Variants in INTS1 observed in about 807,000 individuals in gnomAD.
The protein encoded by INTS1 is integrator complex subunit 1.
In INTS1, 137 loss-of-function variants were observed where a neutral mutation model predicts 241.6. The ratio of observed to expected loss-of-function variants is 0.57; its 90% CI spans 0.49 to 0.65. INTS1 has a LOEUF of 0.65. Ranked by LOEUF, INTS1 falls within the 30% of genes least tolerant of loss-of-function variation. The probability of loss-of-function intolerance (pLI) is 0.00; values close to 1 mark genes in which losing one functional copy is unlikely to be tolerated. For missense variants in INTS1, 3,073 were observed against 3,032.2 expected (o/e 1.01, Z -0.32); for synonymous variants, 1,692 against 1,337.8 (o/e 1.26, Z -5.78).
chr7:1,472,619 G>C (rs905421371), intron 43 of INTS1, among the ~76,000 whole-genome samples: 1 of 152,226 alleles, frequency 6.6e-6, no homozygotes. Flanking sequence ...TGTGGGCCAG[G>C]ACCCACTGGG....
Position 1,484,120 on chromosome 7 carries a change from G to T in INTS1, c.3312C>A (p.Phe1104Leu). 6.2e-7 allele frequency: 1 copy of T among 1,612,374 alleles called. No individual in the cohort carries two copies. Among genetic ancestry groups the T allele is most frequent in the Non-Finnish European group, 8.5e-7 (1 of 1,179,746 alleles). ...ACGCGGCACTCGGGGAGAGCTTCGAGAAGAGGTGGGACATGATGGTGGAGC... is the reference window on the plus strand; with the variant it reads ...ACGCGGCACTCGGGGAGAGCTTCGATAAGAGGTGGGACATGATGGTGGAGC... The part of the protein sequence containing the change: ...VERSTIMSHL[F>L]SKLSPSAASD... The change falls in exon 25 of 48, where the codon TTC becomes TTA. Residue 1104 changes from phenylalanine to leucine, a missense_variant. Phe to Leu is a conservative substitution (Grantham distance 22). Transcript: ENST00000404767.
intron 42 of INTS1, 138 bp downstream of exon 42, chr7:1,473,428 G>A (rs1490033108): frequency 4.4e-6 from 5 of 1,136,620 alleles, no homozygotes; most frequent in Non-Finnish European, 5.0e-6. Context: ...GCCCTGGGAT[G>A]AGCACCACGC....
At chr7:1,488,782 C>T (rs1479261912) in intron 18 of INTS1, among the ~76,000 whole-genome samples, 1 of 152,210 alleles carries the variant, frequency 6.6e-6, no homozygotes, top group African/African-American at 2.4e-5. Context: ...GGCCCTCGCC[C>T]ACACTGTGTG....
In INTS1 at chr7:1,489,572, G is replaced by C; in HGVS notation, c.2257+19C>G. The C allele has an allele frequency of 6.4e-7, 1 of 1,557,768 alleles. No individual in the cohort carries two copies. The highest frequency in any genetic ancestry group is 8.7e-7 in the Non-Finnish European group (1 of 1,148,104). On this transcript the variant is annotated intron_variant, in intron 17 of 47. Transcript: ENST00000404767. ...CAGCAGGGCCACGTGTGCGCATGGG[G>C]CGGCCAGCAGAGGCTCACCGATGTT...
chr7:1,498,356 C>T (rs1299071606), intron 10 of INTS1, 56 bp downstream of exon 10: 1 of 1,601,404 alleles, frequency 6.2e-7, no homozygotes, highest in South Asian at 1.1e-5. Context: ...CGTGCCCCTC[C>T]AGCCCAGAGC....
intron 32 of INTS1, 77 bp from the exon 33 acceptor site, chr7:1,478,583 G>T: frequency 6.5e-7 from 1 of 1,541,682 alleles, no homozygotes; most frequent in Non-Finnish European, 8.8e-7. Context: ...GAGGCCCCAC[G>T]GTAGAAGGGC....
chr7:1,496,062 G>T, intron 12 of INTS1, 94 bp downstream of exon 12: 1 of 914,460 alleles, frequency 1.1e-6, no homozygotes, highest in African/African-American at 1.6e-5. Context: ...CCTGCCGGGC[G>T]CTCAGGGGAC....
intron 30 of INTS1, among the ~76,000 whole-genome samples, chr7:1,479,893 GC>G (rs1313073315): frequency 6.6e-6 from 1 of 152,222 alleles, no homozygotes; most frequent in Non-Finnish European, 1.5e-5. Flanking sequence ...CCCAGGAGCT[GC>G]CCCAGAGAAC....
At position 1,489,419 on chromosome 7, in the gene INTS1, G is replaced by A. The variant is rs924607936; in HGVS notation, c.2258-15C>T. The A allele has an allele frequency of 9.7e-7, 1 of 1,026,250 alleles. No homozygotes were observed. Among genetic ancestry groups the A allele is most frequent in the Non-Finnish European group, 1.2e-6 (1 of 855,656 alleles). The allele number at this position is 1,026,250 out of a possible 1,614,324, so 63.6% of individuals were successfully genotyped here. The stretch of plus-strand genomic sequence containing the variant: ...CGCAGCCAGGCCTAGGGAACCGGAG[G>A]GTGTGGGGCTGGCCAGGCTCCCCTG... On this transcript the variant is annotated splice_polypyrimidine_tract_variant and intron_variant, in intron 17 of 47. Coordinates refer to ENST00000404767, the MANE Select transcript of INTS1 (RefSeq NM_001080453.3).
intron 44 of INTS1, 82 bp from the exon 45 acceptor site, chr7:1,471,723 C>T (rs987225857): frequency 1.5e-6 from 2 of 1,348,248 alleles, no homozygotes; most frequent in South Asian, 2.3e-5. Flanking sequence ...CCAGAGGGGG[C>T]AAGGCCCCGA....
Position 1,470,358 on chromosome 7 carries a change from G to A in INTS1, c.*219C>T, listed in dbSNP as rs1133074. On this transcript the variant is annotated 3_prime_UTR_variant, in exon 48 of 48. Transcript: ENST00000404767. ...CGCTCCGCGGCAGGGCTGTGGCCCA[G>A]AAGGTGAATGAGGGCTTGCTGGACG... The A allele has an allele frequency of 4.0e-6, 2 of 495,066 alleles. No homozygotes were observed. The highest frequency in any genetic ancestry group is 7.0e-6 in the Non-Finnish European group (2 of 286,436). 30.7% of individuals were successfully genotyped at this position (495,066 alleles called of 1,614,324 possible).
Position 1,502,835 on chromosome 7 carries a change from C to G in INTS1, c.349+66G>C, listed in dbSNP as rs555005804. The G allele has an allele frequency of 1.9e-6, 3 of 1,572,334 alleles. No individual in the cohort carries two copies. In the African/African-American group the frequency reaches 4.1e-5, roughly 21 times the overall value. On this transcript the variant is annotated intron_variant, in intron 3 of 47. Transcript: ENST00000404767. ...CAGCACTAGGCCTGGAGGGGGCCTT[C>G]CCTGAACACCTGATGGACGGCATGA...
intron 18 of INTS1, among the ~76,000 whole-genome samples, 197 bp from the exon 19 acceptor site, chr7:1,488,154 G>A (rs989154202): frequency 9.2e-5 from 14 of 152,190 alleles, no homozygotes; most frequent in Non-Finnish European, 1.8e-4. Context: ...GCTGCCCAGA[G>A]GCGCGGTCCA....
chr7:1,474,023 T>C, intron 41 of INTS1, 145 bp downstream of exon 41: 1 of 948,018 alleles, frequency 1.1e-6, no homozygotes, highest in South Asian at 1.8e-5. Flanking sequence ...CTTCCCAGGG[T>C]GGGAGCTGGT....
At chr7:1,489,101 T>G (rs1181649878) in intron 18 of INTS1, among the ~76,000 whole-genome samples, 1 of 152,164 alleles carries the variant, frequency 6.6e-6, no homozygotes, top group African/African-American at 2.4e-5. Flanking sequence ...TGGGGGTGCC[T>G]GCGGACCTCC....
chr7:1,476,976 G>C, intron 35 of INTS1, 58 bp from the exon 36 acceptor site: 1 of 1,554,898 alleles, frequency 6.4e-7, no homozygotes, highest in Admixed American at 1.9e-5. Flanking sequence ...AGGCTCTGCT[G>C]AAGTCAGCTG....
At chr7:1,499,847 C>A in intron 5 of INTS1, 37 bp downstream of exon 5, 1 of 1,597,120 alleles carries the variant, frequency 6.3e-7, no homozygotes, top group Admixed American at 1.7e-5. Context: ...CCCCGTGGCG[C>A]TCTGCCATCT....
chr7:1,503,937 C>A lies in INTS1; in HGVS notation c.24G>T (p.Thr8=), dbSNP rs1476454439. MNRAKPT[T]VRRPSAAAKP... is the part of the protein sequence containing the mutation. ...TGGCCGCGGCGCTGGGCCGGCGCAC[C>A]GTGGTGGGCTTGGCCCGGTTCATCC... The change falls in exon 2 of 48, where the codon ACG becomes ACT. Residue 8 remains threonine, a synonymous_variant. Coordinates refer to ENST00000404767, the MANE Select transcript of INTS1 (RefSeq NM_001080453.3). 1 of 1,570,432 alleles carries A rather than the reference C, an allele frequency of 6.4e-7. No homozygotes were observed. The highest frequency in any genetic ancestry group is 8.6e-7 in the Non-Finnish European group (1 of 1,158,910).
At chr7:1,498,311 A>G in intron 10 of INTS1, 101 bp downstream of exon 10, 2 of 1,515,292 alleles carry the variant, frequency 1.3e-6, no homozygotes, top group Non-Finnish European at 1.8e-6. Context: ...TTCTCCCACG[A>G]AGCACTGCCA....
Sources: gnomAD v4.1 joint callset for allele counts (sites outside exome capture counted in the v4.1 genomes callset) on GRCh38, gnomAD v4.1.1 for gene constraint, MANE v1.5 for transcripts, NCBI Gene and HGNC (gene_info 2026-07-23, HGNC 2026-07-21) for gene names.